The following PCED1B variants were observed in gnomAD, a reference collection of about 807,000 sequenced individuals.
PCED1B encodes the protein PC-esterase domain containing 1B, also known as PC-esterase domain-containing protein 1B.
For missense variants in PCED1B, 573 were observed against 573.9 expected, an observed-to-expected ratio of 1.00 and a Z score of 0.02; for synonymous variants, 251 against 246.1, an observed-to-expected ratio of 1.02 and a Z score of -0.19.
At chr12:47,112,421 T>C (rs1939238703) in intron 2 of PCED1B, among the ~76,000 whole-genome samples, 2 of 152,242 alleles carry the variant, frequency 1.3e-5, no homozygotes, top group Admixed American at 6.5e-5. Context: ...CAAATTTCTC[T>C]ATACTTCATT....
chr12:47,166,930 A>T (rs1190590739), intron 2 of PCED1B, among the ~76,000 whole-genome samples: 1 of 152,196 alleles, frequency 6.6e-6, no homozygotes, highest in Non-Finnish European at 1.5e-5. Context: ...ATAAAGAAAA[A>T]TGTTCCTCAA....
chr12:47,092,979 A>C (rs112259315), intron 1 of PCED1B, among the ~76,000 whole-genome samples: 3,304 of 152,114 alleles, frequency 0.022, 50 homozygotes, highest in South Asian at 0.05. Flanking sequence ...AGGGTTTAAA[A>C]ATCAAGTTTA....
At chr12:47,099,316 T>C (rs141692379) in intron 1 of PCED1B, among the ~76,000 whole-genome samples, 100 of 152,306 alleles carry the variant, frequency 6.6e-4, no homozygotes, top group African/African-American at 2.4e-3. Flanking sequence ...CAGTAGCAGA[T>C]CACTTACTAT....
intron 3 of PCED1B, among the ~76,000 whole-genome samples, chr12:47,230,046 T>G (rs950639071): frequency 6.6e-6 from 1 of 151,118 alleles, no homozygotes; most frequent in African/African-American, 2.4e-5. Context: ...AGTGCTGGGA[T>G]TACAGGCGTG....
chr12:47,083,732 T>C (rs989356073), intron 1 of PCED1B, among the ~76,000 whole-genome samples: 7 of 152,162 alleles, frequency 4.6e-5, no homozygotes, highest in African/African-American at 1.7e-4. Flanking sequence ...GGCATGTTTC[T>C]CTGGACGCTC....
rs1391051920 is a variant in PCED1B at position 47,109,383 on chromosome 12, G to A, written c.-526+5188G>A. Reference sequence around the variant, plus strand: ...TTTTTTTTTTTTTTAGTTTTAATTGGTTTATTATTGTCTTTAAAAGTCTTC... The same window carrying A: ...TTTTTTTTTTTTTTAGTTTTAATTGATTTATTATTGTCTTTAAAAGTCTTC... On this transcript the variant is annotated intron_variant, in intron 2 of 3. Coordinates refer to ENST00000546455, the MANE Select transcript of PCED1B (RefSeq NM_138371.3). Among the ~76,000 whole-genome samples the A allele has an allele frequency of 2.7e-5, 4 of 149,588 alleles. No individual in the cohort carries two copies. The South Asian group carries it at 8.5e-4, about 32-fold the overall frequency.
chr12:47,090,424 G>A (rs1938213989), intron 1 of PCED1B, among the ~76,000 whole-genome samples: 1 of 152,148 alleles, frequency 6.6e-6, no homozygotes, highest in Admixed American at 6.5e-5. Flanking sequence ...ATAAGCAGAA[G>A]TTAAGTTCTG....
At chr12:47,234,643 G>A (rs941527040) in intron 3 of PCED1B, among the ~76,000 whole-genome samples, 1 of 152,080 alleles carries the variant, frequency 6.6e-6, no homozygotes, top group Admixed American at 6.6e-5. Context: ...TTAGGCTTCT[G>A]GGCTGCCTCC....
At chr12:47,159,137 A>G (rs917350767) in intron 2 of PCED1B, among the ~76,000 whole-genome samples, 4 of 152,106 alleles carry the variant, frequency 2.6e-5, no homozygotes, top group Non-Finnish European at 4.4e-5. Flanking sequence ...TTATTTATCC[A>G]TTTATCCACT....
chr12:47,169,033 C>T (rs1473091148), intron 2 of PCED1B, among the ~76,000 whole-genome samples: 6 of 152,176 alleles, frequency 3.9e-5, no homozygotes, highest in Non-Finnish European at 8.8e-5. Flanking sequence ...AATATCTTCT[C>T]ACTTCTAGGT....
chr12:47,139,541 G>A (rs1359228734), intron 2 of PCED1B, among the ~76,000 whole-genome samples: 1 of 152,190 alleles, frequency 6.6e-6, no homozygotes, highest in Non-Finnish European at 1.5e-5. Flanking sequence ...CGTAGCTCAA[G>A]TACAGTGAAA....
At chr12:47,190,345 AGTT>A (rs1942403926) in intron 2 of PCED1B, among the ~76,000 whole-genome samples, 1 of 152,160 alleles carries the variant, frequency 6.6e-6, no homozygotes, top group African/African-American at 2.4e-5. Context: ...ACCTCACCCA[AGTT>A]CCATCTGTTC....
intron 2 of PCED1B, among the ~76,000 whole-genome samples, chr12:47,150,302 G>A (rs999814290): frequency 9.2e-5 from 14 of 152,176 alleles, no homozygotes; most frequent in East Asian, 3.9e-4. Context: ...TAGGCCGGGC[G>A]CGGTGGCTCA....
At chr12:47,179,391 G>A (rs1014273182) in intron 2 of PCED1B, among the ~76,000 whole-genome samples, 1 of 152,144 alleles carries the variant, frequency 6.6e-6, no homozygotes, top group Non-Finnish European at 1.5e-5. Context: ...TGCAAAAATT[G>A]CACCAATATA....
chr12:47,170,773 A>C (rs1041325813), intron 2 of PCED1B, among the ~76,000 whole-genome samples: 1 of 152,216 alleles, frequency 6.6e-6, no homozygotes, highest in African/African-American at 2.4e-5. Context: ...TAGCCCATTC[A>C]TGTTAAGTAT....
intron 2 of PCED1B, among the ~76,000 whole-genome samples, chr12:47,134,641 A>G (rs1940273735): frequency 1.3e-5 from 2 of 152,146 alleles, no homozygotes; most frequent in African/African-American, 4.8e-5. Flanking sequence ...AGGCTGAGGA[A>G]GGCGGATCAC....
intron 2 of PCED1B, among the ~76,000 whole-genome samples, chr12:47,169,988 A>G (rs532102886): frequency 3.2e-4 from 48 of 150,294 alleles, no homozygotes; most frequent in Non-Finnish European, 5.9e-4. Context: ...AGGGAAGGTC[A>G]GCAGATAAAC....
chr12:47,166,310 C>G (rs1941543454), intron 2 of PCED1B, among the ~76,000 whole-genome samples: 1 of 152,220 alleles, frequency 6.6e-6, no homozygotes, highest in South Asian at 2.1e-4. Context: ...CAGTTTCTCT[C>G]TCTTCACTCC....
At chr12:47,157,901 T>C (rs1468648316) in intron 2 of PCED1B, among the ~76,000 whole-genome samples, 1 of 152,216 alleles carries the variant, frequency 6.6e-6, no homozygotes, top group Non-Finnish European at 1.5e-5. Context: ...AGTATTTGTC[T>C]TTTGGTAGCT....
Sources: gnomAD v4.1 joint callset for allele counts (sites outside exome capture counted in the v4.1 genomes callset) on GRCh38, gnomAD v4.1.1 for gene constraint, MANE v1.5 for transcripts, NCBI Gene and HGNC (gene_info 2026-07-23, HGNC 2026-07-21) for gene names.